Variants in GTF2A1L observed in about 807,000 individuals in gnomAD.
GTF2A1L encodes general transcription factor IIA subunit 1 like.
GTF2A1L carries 48 observed loss-of-function variants against 49.7 expected under a neutral mutation model. The observed-to-expected ratio is 0.97, with a 90% confidence interval of 0.77 to 1.23. The LOEUF is 1.23. Ranked by LOEUF, GTF2A1L falls within the 50% of genes most tolerant of loss-of-function variation. The probability of loss-of-function intolerance (pLI) is 0.00; values close to 1 mark genes in which losing one functional copy is unlikely to be tolerated. For missense variants in GTF2A1L, 736 were observed against 564.8 expected (o/e 1.30, Z -3.07); for synonymous variants, 246 against 193.5 (o/e 1.27, Z -2.25).
At chr2:48,651,217 T>TA (rs915156249) in intron 6 of GTF2A1L, among the ~76,000 whole-genome samples, 8 of 150,320 alleles carry the variant, frequency 5.3e-5, no homozygotes, top group African/African-American at 7.3e-5. Context: ...GCAGAGAAAA[T>TA]AAAAAAAAAG....
At chr2:48,620,808 A>G in intron 1 of GTF2A1L, 43 bp from the exon 2 acceptor site, 1 of 1,075,396 alleles carries the variant, frequency 9.3e-7, no homozygotes, top group Non-Finnish European at 1.2e-6. Flanking sequence ...TAAATAAATA[A>G]ATAAATAAAT....
chr2:48,623,542 A>C (rs1384863520), intron 3 of GTF2A1L, among the ~76,000 whole-genome samples: 2 of 152,188 alleles, frequency 1.3e-5, no homozygotes, highest in African/African-American at 4.8e-5. Context: ...CTACAATTCA[A>C]CTCATCAGTT....
intron 3 of GTF2A1L, 66 bp from the exon 4 acceptor site, chr2:48,642,336 A>G (rs1315659491): frequency 4.3e-6 from 6 of 1,401,872 alleles, no homozygotes; most frequent in Non-Finnish European, 5.8e-6. Flanking sequence ...AAAATAAGCT[A>G]TATTTAGTGA....
chr2:48,630,511 CT>C (rs1192395711), intron 3 of GTF2A1L, among the ~76,000 whole-genome samples: 1 of 144,072 alleles, frequency 6.9e-6, no homozygotes, highest in Non-Finnish European at 1.6e-5. Flanking sequence ...TTCTAAGAGT[CT>C]TTTGGTGAAG....
chr2:48,668,938 G>T (rs1679020617), intron 6 of GTF2A1L, among the ~76,000 whole-genome samples: 1 of 152,044 alleles, frequency 6.6e-6, no homozygotes, highest in African/African-American at 2.4e-5. Context: ...CTGGATGAAG[G>T]TAATGATAAA....
chr2:48,630,811 T>TGAA (rs1676526177), intron 3 of GTF2A1L, among the ~76,000 whole-genome samples: 1 of 104,696 alleles, frequency 9.6e-6, no homozygotes, highest in Admixed American at 9.8e-5. Flanking sequence ...AGGGTTTTTC[T>TGAA]TTTATCATGA....
At chr2:48,669,348 A>G (rs748429442) in intron 6 of GTF2A1L, among the ~76,000 whole-genome samples, 25 of 152,202 alleles carry the variant, frequency 1.6e-4, no homozygotes, top group Non-Finnish European at 1.8e-4. Flanking sequence ...TCCATTAAGC[A>G]CAATGACATT....
intron 3 of GTF2A1L, among the ~76,000 whole-genome samples, chr2:48,635,487 A>T (rs1676836811): frequency 6.6e-6 from 1 of 152,080 alleles, no homozygotes; most frequent in South Asian, 2.1e-4. Flanking sequence ...CCAGGGGAAC[A>T]GCAGGGGCAC....
At chr2:48,627,541 G>A (rs1676353754) in intron 3 of GTF2A1L, among the ~76,000 whole-genome samples, 1 of 143,464 alleles carries the variant, frequency 7.0e-6, no homozygotes, top group African/African-American at 2.5e-5. Flanking sequence ...ATTTTTGCTT[G>A]AAAAGTTGAG....
chr2:48,617,997 T>G (rs1675758963), intron 1 of GTF2A1L, 102 bp downstream of exon 1: 1 of 1,217,396 alleles, frequency 8.2e-7, no homozygotes, highest in Non-Finnish European at 1.2e-6. Context: ...ACTTTACAGA[T>G]TGTCATAAAC....
At position 48,679,582 on chromosome 2, in the gene GTF2A1L, T is replaced by G; in HGVS notation, c.*140T>G. The G allele has an allele frequency of 7.0e-7, 1 of 1,428,442 alleles. No individual in the cohort carries two copies. Among genetic ancestry groups the G allele is most frequent in the Non-Finnish European group, 9.1e-7 (1 of 1,094,864 alleles). 88.5% of individuals were successfully genotyped at this position (1,428,442 alleles called of 1,614,324 possible). On this transcript the variant is annotated 3_prime_UTR_variant, in exon 9 of 9. Coordinates refer to ENST00000403751, the MANE Select transcript of GTF2A1L (RefSeq NM_006872.5). Reference sequence around the variant, plus strand: ...CACTGTATGGAATTTAATAAAATTATAATTCAGATGCAGATACAATTACAC... The same window carrying G: ...CACTGTATGGAATTTAATAAAATTAGAATTCAGATGCAGATACAATTACAC...
chr2:48,621,255 C>T lies in GTF2A1L; in HGVS notation c.212C>T (p.Pro71Leu), dbSNP rs375824947. The part of the protein sequence containing the change: ...IQSPLFTLQL[P>L]HSLHQTLQSS... ...TCACCTCTGTTTACTCTTCAGTTGC[C>T]GCACAGCTTGCACCAAACATTGCAA... is the stretch of plus-strand genomic sequence containing the variant. Residue 71 changes from proline to leucine, a missense_variant, in exon 3 of 9, where the codon CCG becomes CTG. Transcript: ENST00000403751. 5 of 1,613,996 alleles carry T rather than the reference C, an allele frequency of 3.1e-6. No individual in the cohort carries two copies. The highest frequency in any genetic ancestry group is 1.7e-5 in the Admixed American group (1 of 60,018).
chr2:48,679,258 A>G (rs560066283), intron 8 of GTF2A1L, 77 bp from the exon 9 acceptor site: 4 of 1,545,826 alleles, frequency 2.6e-6, no homozygotes, highest in Non-Finnish European at 3.5e-6. Flanking sequence ...GAATAATCCC[A>G]TTTACTGTAG....
In GTF2A1L at chr2:48,646,713, A is replaced by G. The variant is rs1356152398; in HGVS notation, c.649A>G (p.Ile217Val). 2.5e-6 allele frequency: 4 copies of G among 1,614,104 alleles called. No homozygotes were observed. Among genetic ancestry groups the G allele is most frequent in the Admixed American group, 1.7e-5 (1 of 60,006 alleles). Residue 217 changes from isoleucine to valine, a missense_variant, in exon 6 of 9, where the codon ATA (isoleucine) becomes GTA (valine). By Grantham distance (29) the Ile-to-Val change is conservative. Transcript: ENST00000403751. ...RKHLENATSD[I>V]LVSPGNEHKI... ...ACACTTAGAAAATGCCACCAGTGAT[A>G]TACTTGTATCTCCTGGAAATGAGCA... is the stretch of plus-strand genomic sequence containing the variant.
intron 8 of GTF2A1L, among the ~76,000 whole-genome samples, chr2:48,675,977 A>C (rs536753164): frequency 6.6e-6 from 1 of 151,904 alleles, no homozygotes; most frequent in Non-Finnish European, 1.5e-5. Flanking sequence ...AAGGTATACA[A>C]TGAAAAGTCT....
chr2:48,655,989 T>C (rs540937887), intron 6 of GTF2A1L, among the ~76,000 whole-genome samples: 18 of 152,212 alleles, frequency 1.2e-4, no homozygotes, highest in Non-Finnish European at 2.5e-4. Flanking sequence ...GGTTCATCCA[T>C]GTTGTAGCAT....
chr2:48,671,543 A>G lies in GTF2A1L; in HGVS notation c.1240-48A>G, dbSNP rs1263181833. On this transcript the variant is annotated intron_variant, in intron 7 of 8. Transcript: ENST00000403751. ...CTATATGTCTCTTTATCTTTAAACAATTTAAAGCATCATAAAATTCCTTAA... is the reference window on the plus strand; with the variant it reads ...CTATATGTCTCTTTATCTTTAAACAGTTTAAAGCATCATAAAATTCCTTAA... 5.7e-6 allele frequency: 9 copies of G among 1,574,044 alleles called. No homozygotes were observed. In the East Asian group the frequency reaches 1.6e-4, roughly 27 times the overall value.
chr2:48,619,392 C>T (rs1483882349), intron 1 of GTF2A1L, among the ~76,000 whole-genome samples: 2 of 151,274 alleles, frequency 1.3e-5, no homozygotes, highest in Non-Finnish European at 2.9e-5. Context: ...ATCACTTGAA[C>T]TTAGGAGGCA....
rs141277597 is a variant in GTF2A1L, at chr2:48,677,262, C to T, written c.1330-2073C>T. 5.4e-3 allele frequency among the ~76,000 whole-genome samples: 814 copies of T among 151,862 alleles called. 5 individuals carry two copies. Among genetic ancestry groups the T allele is most frequent in the African/African-American group, 0.015 (642 of 41,476 alleles). On this transcript the variant is annotated intron_variant, in intron 8 of 8. Transcript: ENST00000403751. ...ACCCTGTTGGTATTTTCATTGAGAT[C>T]ACATTAAATTAATAAAATTTGTTAT... is the stretch of plus-strand genomic sequence containing the variant.
Sources: gnomAD v4.1 joint callset for allele counts (sites outside exome capture counted in the v4.1 genomes callset) on GRCh38, gnomAD v4.1.1 for gene constraint, MANE v1.5 for transcripts, NCBI Gene and HGNC (gene_info 2026-07-23, HGNC 2026-07-21) for gene names.